The following PTPRT variants were observed in gnomAD, a reference collection of about 807,000 sequenced individuals.
The protein encoded by PTPRT is protein tyrosine phosphatase receptor type T, also known as receptor-type tyrosine-protein phosphatase T.
PTPRT carries 56 observed loss-of-function variants against 176.8 expected under a neutral mutation model. The observed-to-expected ratio is 0.32, with a 90% CI of 0.26 to 0.40. PTPRT has a LOEUF of 0.40. Among genes scored for constraint, PTPRT ranks in the 10% least tolerant of loss-of-function variants. The probability of loss-of-function intolerance (pLI) is 1.00; values close to 1 mark genes in which losing one functional copy is unlikely to be tolerated. For synonymous variants in PTPRT, 783 were observed against 739.0 expected, an observed-to-expected ratio of 1.06 and a Z score of -0.96; for missense variants, 1,540 against 1,908.2, an observed-to-expected ratio of 0.81 and a Z score of 3.60.
At chr20:43,034,624 A>T (rs541778754) in intron 1 of PTPRT, among the ~76,000 whole-genome samples, 52 of 151,152 alleles carry the variant, frequency 3.4e-4, no homozygotes, top group Non-Finnish European at 5.7e-4. Flanking sequence ...AGGCTGGTGC[A>T]AAAGTAATTG....
At chr20:42,289,279 C>A (rs2147080633) in intron 12 of PTPRT, among the ~76,000 whole-genome samples, 2 of 151,974 alleles carry the variant, frequency 1.3e-5, no homozygotes, top group Middle Eastern at 6.8e-3. Context: ...ACTATTGGAA[C>A]CTAATTAACT....
chr20:42,308,145 A>G (rs2057572611), intron 12 of PTPRT, among the ~76,000 whole-genome samples: 1 of 151,654 alleles, frequency 6.6e-6, no homozygotes, highest in Non-Finnish European at 1.5e-5. Flanking sequence ...TTTTTTTAGC[A>G]TATCATTAAG....
intron 7 of PTPRT, among the ~76,000 whole-genome samples, chr20:42,576,147 T>A (rs775713875): frequency 1.5e-4 from 23 of 152,254 alleles, no homozygotes; most frequent in Non-Finnish European, 2.9e-4. Flanking sequence ...GCATGAGTTC[T>A]CCCTCCTGGG....
chr20:42,404,891 T>C (rs568786657), intron 9 of PTPRT, among the ~76,000 whole-genome samples: 22 of 150,386 alleles, frequency 1.5e-4, no homozygotes, highest in Non-Finnish European at 3.1e-4. Context: ...TGAGATTTTA[T>C]TTTTTCCAGT....
chr20:42,139,936 A>G (rs1013066859), intron 18 of PTPRT, among the ~76,000 whole-genome samples: 10 of 152,256 alleles, frequency 6.6e-5, no homozygotes, highest in African/African-American at 2.2e-4. Context: ...GACTGTTTGA[A>G]TATCACTTCT....
chr20:42,173,389 CAG>C (rs1367127160), intron 16 of PTPRT, among the ~76,000 whole-genome samples: 2 of 152,092 alleles, frequency 1.3e-5, no homozygotes, highest in African/African-American at 4.8e-5. Flanking sequence ...CTTCTCCAAC[CAG>C]ATATAAATGG....
intron 7 of PTPRT, among the ~76,000 whole-genome samples, chr20:42,658,088 T>C (rs1330101833): frequency 6.6e-6 from 1 of 152,194 alleles, no homozygotes; most frequent in Non-Finnish European, 1.5e-5. Flanking sequence ...TTATTGGAAG[T>C]AATGTTCTCT....
intron 7 of PTPRT, among the ~76,000 whole-genome samples, chr20:42,504,431 T>C (rs1192571888): frequency 2.0e-5 from 3 of 152,202 alleles, no homozygotes; most frequent in Admixed American, 6.5e-5. Flanking sequence ...ATTATGTGCA[T>C]ACAGGTTTAG....
At chr20:42,997,647 T>C (rs1227202260) in intron 1 of PTPRT, among the ~76,000 whole-genome samples, 1 of 152,214 alleles carries the variant, frequency 6.6e-6, no homozygotes, top group Non-Finnish European at 1.5e-5. Context: ...TCTAGGTGGT[T>C]TGTTATGTAT....
At chr20:42,468,755 T>C (rs1357104122) in intron 8 of PTPRT, among the ~76,000 whole-genome samples, 1 of 152,158 alleles carries the variant, frequency 6.6e-6, no homozygotes, top group Non-Finnish European at 1.5e-5. Context: ...TTTAAAAAGG[T>C]GCCCTGAGCT....
chr20:42,270,922 A>T (rs995709445), intron 13 of PTPRT, among the ~76,000 whole-genome samples: 16 of 152,164 alleles, frequency 1.1e-4, no homozygotes, highest in African/African-American at 3.6e-4. Context: ...ATTCTACCCC[A>T]GAAAAGCTCT....
chr20:42,846,291 G>T (rs985832434), intron 2 of PTPRT, among the ~76,000 whole-genome samples: 1 of 152,170 alleles, frequency 6.6e-6, no homozygotes, highest in African/African-American at 2.4e-5. Context: ...CAGTTACAAG[G>T]CTTATTAAGA....
rs931410327 is a variant in PTPRT at position 42,110,323 on chromosome 20, T to TTTGAC, written c.3254+5_3254+9dup. ...CCTCGGCCTCCCAAGGTGAAGGACCTTTGACTTACCTGCAGTGGACCACTA... is the reference window on the plus strand; with the variant it reads ...CCTCGGCCTCCCAAGGTGAAGGACCTTTGACTTGACTTACCTGCAGTGGACCACTA... On this transcript the variant is annotated intron_variant, in intron 23 of 30. Coordinates refer to ENST00000373187, the MANE Select transcript of PTPRT (RefSeq NM_007050.6). The TTTGAC allele has an allele frequency of 4.4e-6, 7 of 1,599,446 alleles. 1 individual carries two copies. The highest frequency in any genetic ancestry group is 3.3e-5 in the South Asian group (3 of 89,632).
intron 9 of PTPRT, among the ~76,000 whole-genome samples, chr20:42,434,855 C>T (rs1431884899): frequency 2.0e-5 from 3 of 151,704 alleles, no homozygotes; most frequent in Admixed American, 6.6e-5. Flanking sequence ...ATTCCAGCTA[C>T]TCAGGAGGCT....
At chr20:42,436,560 A>G (rs563158035) in intron 9 of PTPRT, among the ~76,000 whole-genome samples, 1 of 152,356 alleles carries the variant, frequency 6.6e-6, no homozygotes, top group East Asian at 1.9e-4. Context: ...GTTTGAAATC[A>G]TAGGCACTCA....
chr20:43,129,252 G>A (rs961531368), intron 1 of PTPRT, among the ~76,000 whole-genome samples: 10 of 152,138 alleles, frequency 6.6e-5, no homozygotes, highest in African/African-American at 9.7e-5. Context: ...GAGGAAGGAG[G>A]CAGAGTCCTG....
At chr20:42,043,954 C>T in the PTPRT span, among the ~76,000 whole-genome samples, 266 of 152,276 alleles carry the variant, frequency 1.7e-3, 5 homozygotes, top group East Asian at 0.047. Flanking sequence ...TCGAGAGCTC[C>T]TGCTTTGTAA....
At chr20:42,500,035 T>A (rs1601136822) in intron 7 of PTPRT, among the ~76,000 whole-genome samples, 3 of 152,068 alleles carry the variant, frequency 2.0e-5, no homozygotes, top group East Asian at 3.9e-4. Flanking sequence ...GTAATTTGAG[T>A]TTTTTTATCC....
At chr20:42,878,037 A>G (rs2078962966) in intron 2 of PTPRT, among the ~76,000 whole-genome samples, 2 of 152,240 alleles carry the variant, frequency 1.3e-5, no homozygotes, top group South Asian at 2.1e-4. Context: ...GATGTCAAAG[A>G]TAATACACAA....
Sources: allele counts gnomAD v4.1 joint callset (sites outside exome capture counted in the v4.1 genomes callset), GRCh38; gene constraint gnomAD v4.1.1; transcripts MANE v1.5; gene names NCBI Gene and HGNC (gene_info 2026-07-23, HGNC 2026-07-21).